Variants in SCML4 observed in about 807,000 individuals in gnomAD.
SCML4 encodes sex comb on midleg-like protein 4.
A neutral mutation model predicts 41.1 loss-of-function variants in SCML4; 34 were observed. That is an observed-to-expected ratio of 0.83 (90% confidence interval 0.63 to 1.10). The LOEUF is 1.10. Ranked by LOEUF, SCML4 falls within the 50% of genes least tolerant of loss-of-function variation. The pLI is 0.00. For synonymous variants in SCML4, 214 were observed against 220.9 expected (o/e 0.97, Z 0.28); for missense variants, 522 against 534.1 (o/e 0.98, Z 0.22).
chr6:107,756,359 C>T (rs1000742124), intron 2 of SCML4, among the ~76,000 whole-genome samples: 3 of 152,220 alleles, frequency 2.0e-5, no homozygotes, highest in Non-Finnish European at 4.4e-5. Context: ...TCTTCTTCCC[C>T]AAGCCCCCTA....
At chr6:107,776,687 G>C (rs114866876) in intron 1 of SCML4, among the ~76,000 whole-genome samples, 1,689 of 152,180 alleles carry the variant, frequency 0.011, 33 homozygotes, top group African/African-American at 0.039. Context: ...AATTTACACA[G>C]CCACACCTCC....
At chr6:107,774,428 T>C (rs1780753865) in intron 1 of SCML4, among the ~76,000 whole-genome samples, 1 of 152,130 alleles carries the variant, frequency 6.6e-6, no homozygotes, top group East Asian at 1.9e-4. Context: ...TCATCCTACT[T>C]CTAGACTTAG....
chr6:107,802,622 GGAAGGAAGGAAGGAAA>G (rs1422247592), intron 1 of SCML4, among the ~76,000 whole-genome samples: 66 of 142,850 alleles, frequency 4.6e-4, no homozygotes, highest in Middle Eastern at 3.5e-3. Context: ...AAGGAAGGAA[GGAAGGAAGGAAGGAAA>G]GAAAATTGGA....
the SCML4 span, among the ~76,000 whole-genome samples, chr6:107,839,149 C>T: frequency 5.3e-5 from 8 of 151,708 alleles, no homozygotes; most frequent in Admixed American, 2.0e-4. Flanking sequence ...AAAAATGAGC[C>T]GGGCATGGTG....
intron 2 of SCML4, among the ~76,000 whole-genome samples, chr6:107,756,395 A>G (rs987680627): frequency 6.6e-6 from 1 of 152,200 alleles, no homozygotes; most frequent in East Asian, 1.9e-4. Context: ...TGAGAAAAAC[A>G]TTAGACAAAC....
At chr6:107,752,005 A>T (rs1778737712) in intron 2 of SCML4, among the ~76,000 whole-genome samples, 1 of 152,224 alleles carries the variant, frequency 6.6e-6, no homozygotes, top group African/African-American at 2.4e-5. Flanking sequence ...AACCTACAGT[A>T]GCTGAGAGAT....
chr6:107,724,032 C>T (rs1417239596), intron 5 of SCML4, among the ~76,000 whole-genome samples: 3 of 152,072 alleles, frequency 2.0e-5, no homozygotes, highest in Non-Finnish European at 2.9e-5. Flanking sequence ...TGTAATACAC[C>T]ATATGGATAG....
intron 1 of SCML4, among the ~76,000 whole-genome samples, chr6:107,794,828 A>G (rs928459938): frequency 6.6e-6 from 1 of 152,170 alleles, no homozygotes; most frequent in Non-Finnish European, 1.5e-5. Flanking sequence ...TTCTTGGGGC[A>G]CTGAGGGAGG....
intron 1 of SCML4, among the ~76,000 whole-genome samples, chr6:107,791,038 C>T (rs1169707593): frequency 6.6e-6 from 1 of 150,766 alleles, no homozygotes; most frequent in Non-Finnish European, 1.5e-5. Context: ...CCATTGCACT[C>T]CAGCCTGGTC....
At chr6:107,838,222 T>G in the SCML4 span, among the ~76,000 whole-genome samples, 1 of 152,082 alleles carries the variant, frequency 6.6e-6, no homozygotes, top group East Asian at 1.9e-4. Context: ...TTACTATTAT[T>G]AAGAGGATAG....
At position 107,702,391 on chromosome 6, in the gene SCML4, A is replaced by G. The variant is rs1398118581; in HGVS notation, c.*2809T>C. Among the ~76,000 whole-genome samples, 1 of 152,164 alleles carries G rather than the reference A, an allele frequency of 6.6e-6. No individual in the cohort carries two copies. Among genetic ancestry groups the G allele is most frequent in the East Asian group, 1.9e-4 (1 of 5,200 alleles). On this transcript the variant is annotated 3_prime_UTR_variant, in exon 8 of 8. Coordinates refer to ENST00000369020, the MANE Select transcript of SCML4 (RefSeq NM_198081.5). Reference sequence around the variant, plus strand: ...ATCTCTTTGACATTGTTTGGGGCTGATTTTTATTTGAGAGCACCAATGTTT... The same window carrying G: ...ATCTCTTTGACATTGTTTGGGGCTGGTTTTTATTTGAGAGCACCAATGTTT...
intron 1 of SCML4, among the ~76,000 whole-genome samples, chr6:107,785,848 G>A (rs1361501609): frequency 6.6e-6 from 1 of 152,184 alleles, no homozygotes; most frequent in African/African-American, 2.4e-5. Flanking sequence ...ACGAGGCTGA[G>A]GTTTTCCAGG....
At chr6:107,839,409 G>GAAAGAA in the SCML4 span, among the ~76,000 whole-genome samples, 35 of 144,762 alleles carry the variant, frequency 2.4e-4, no homozygotes, top group African/African-American at 8.6e-4. Context: ...AAGAAAGAAA[G>GAAAGAA]AGGAAGAAGA....
intron 6 of SCML4, among the ~76,000 whole-genome samples, chr6:107,715,696 G>C (rs1363657666): frequency 6.6e-6 from 1 of 152,086 alleles, no homozygotes; most frequent in Non-Finnish European, 1.5e-5. Flanking sequence ...TGGCAGCGGA[G>C]ACAGACGTGA....
At chr6:107,730,750 T>C (rs1249670539) in intron 5 of SCML4, among the ~76,000 whole-genome samples, 1 of 152,186 alleles carries the variant, frequency 6.6e-6, no homozygotes, top group Non-Finnish European at 1.5e-5. Context: ...AACCTGCTTG[T>C]GGACTATGGT....
chr6:107,780,806 T>C (rs779117488), intron 1 of SCML4, among the ~76,000 whole-genome samples: 24 of 152,064 alleles, frequency 1.6e-4, no homozygotes, highest in Non-Finnish European at 2.2e-4. Context: ...CGGCATTAGC[T>C]TGTAACATAT....
intron 2 of SCML4, among the ~76,000 whole-genome samples, chr6:107,766,732 G>T (rs934222245): frequency 6.6e-6 from 1 of 152,152 alleles, no homozygotes; most frequent in South Asian, 2.1e-4. Flanking sequence ...ATGGGCACTG[G>T]GGGGTAGGCA....
chr6:107,746,327 G>T (rs1206029769), intron 4 of SCML4: 1 of 209,206 alleles, frequency 4.8e-6, no homozygotes, highest in East Asian at 1.2e-4. Flanking sequence ...AACCAGGGAG[G>T]TTGCTGTGGG....
chr6:107,831,064 T>A, the SCML4 span, among the ~76,000 whole-genome samples: 165 of 152,134 alleles, frequency 1.1e-3, no homozygotes, highest in African/African-American at 3.9e-3. Context: ...AGACTTCAAA[T>A]AAAGTAATGA....
Sources: allele counts gnomAD v4.1 joint callset (sites outside exome capture counted in the v4.1 genomes callset), GRCh38; gene constraint gnomAD v4.1.1; transcripts MANE v1.5; gene names NCBI Gene and HGNC (gene_info 2026-07-23, HGNC 2026-07-21).